Variants in PTPRD observed in about 807,000 individuals in gnomAD.
The protein encoded by PTPRD is receptor-type tyrosine-protein phosphatase delta.
PTPRD carries 34 observed loss-of-function variants against 214.5 expected under a neutral mutation model. The observed-to-expected ratio is 0.16, with a 90% CI of 0.12 to 0.21. The LOEUF is 0.21. Ranked by LOEUF, PTPRD falls within the 10% of genes least tolerant of loss-of-function variation. PTPRD has a pLI of 1.00. For missense variants in PTPRD, 2,545 were observed against 2,398.7 expected (o/e 1.06, Z -1.27); for synonymous variants, 1,128 against 845.7 (o/e 1.33, Z -5.79).
At chr9:8,706,781 A>G (rs554717226) in intron 12 of PTPRD, among the ~76,000 whole-genome samples, 60 of 152,214 alleles carry the variant, frequency 3.9e-4, no homozygotes, top group Non-Finnish European at 6.6e-4. Flanking sequence ...TTGCATCTGC[A>G]TAGCTTGGCG....
intron 5 of PTPRD, among the ~76,000 whole-genome samples, chr9:9,919,759 G>C (rs150145757): frequency 1.3e-5 from 2 of 152,236 alleles, no homozygotes; most frequent in Admixed American, 6.6e-5. Flanking sequence ...GTATGACCTG[G>C]TGCTAACTAT....
intron 9 of PTPRD, among the ~76,000 whole-genome samples, chr9:9,318,170 C>T (rs1172869091): frequency 4.2e-5 from 5 of 120,214 alleles, no homozygotes; most frequent in South Asian, 2.7e-4. Context: ...AAAACTCCAT[C>T]AAAAAAAGAA....
At chr9:8,789,322 G>T (rs547719604) in intron 11 of PTPRD, among the ~76,000 whole-genome samples, 1 of 152,192 alleles carries the variant, frequency 6.6e-6, no homozygotes, top group African/African-American at 2.4e-5. Flanking sequence ...CCCAAAATGT[G>T]TCAATGAAAA....
intron 3 of PTPRD, among the ~76,000 whole-genome samples, chr9:10,285,216 C>G (rs566776398): frequency 6.6e-6 from 1 of 152,156 alleles, no homozygotes; most frequent in African/African-American, 2.4e-5. Flanking sequence ...CACTTGCATA[C>G]GATACTGTAA....
At chr9:8,511,237 T>G (rs1158781046) in intron 21 of PTPRD, among the ~76,000 whole-genome samples, 2 of 152,016 alleles carry the variant, frequency 1.3e-5, no homozygotes, top group Non-Finnish European at 2.9e-5. Context: ...CCCGGCTAAT[T>G]TTTTAATGTT....
intron 33 of PTPRD, among the ~76,000 whole-genome samples, chr9:8,459,010 C>T (rs974997989): frequency 1.3e-5 from 2 of 151,960 alleles, no homozygotes; most frequent in Non-Finnish European, 2.9e-5. Flanking sequence ...TCTCTTAATG[C>T]TGGAATAAAA....
intron 4 of PTPRD, among the ~76,000 whole-genome samples, chr9:9,964,981 A>G (rs2094586607): frequency 6.6e-6 from 1 of 152,150 alleles, no homozygotes; most frequent in African/African-American, 2.4e-5. Flanking sequence ...CAAAAATAGG[A>G]TGCTAACAAA....
intron 11 of PTPRD, among the ~76,000 whole-genome samples, chr9:8,984,160 C>T (rs991239055): frequency 1.3e-5 from 2 of 151,904 alleles, no homozygotes; most frequent in African/African-American, 4.8e-5. Flanking sequence ...AATACAAAGA[C>T]ATGTAATTTT....
At chr9:8,636,870 T>C in intron 12 of PTPRD, 26 bp from the exon 13 acceptor site, 1 of 1,606,574 alleles carries the variant, frequency 6.2e-7, no homozygotes. Flanking sequence ...AACATCACAG[T>C]TAAATTGAAA....
chr9:10,462,119 T>C (rs1222923246), intron 2 of PTPRD, among the ~76,000 whole-genome samples: 2 of 152,146 alleles, frequency 1.3e-5, no homozygotes, highest in South Asian at 2.1e-4. Context: ...TAGCGTATTA[T>C]ATACAGGAGT....
At chr9:8,777,182 G>A (rs1310991808) in intron 11 of PTPRD, among the ~76,000 whole-genome samples, 6 of 151,754 alleles carry the variant, frequency 4.0e-5, no homozygotes, top group Non-Finnish European at 8.8e-5. Context: ...GTCTTACTAT[G>A]TTGCCCAGGC....
At chr9:9,799,674 A>G (rs556615965) in intron 5 of PTPRD, 1 of 152,138 alleles carries the variant, frequency 6.6e-6, no homozygotes, top group African/African-American at 2.4e-5. Flanking sequence ...CAAACAATAA[A>G]AAGGGGGGTA....
chr9:8,944,578 A>T (rs192479358), intron 11 of PTPRD, among the ~76,000 whole-genome samples: 7 of 152,260 alleles, frequency 4.6e-5, no homozygotes, highest in Admixed American at 4.6e-4. Flanking sequence ...GCCATAAATG[A>T]GAATGAGATC....
intron 9 of PTPRD, among the ~76,000 whole-genome samples, chr9:9,346,510 C>G (rs2048862319): frequency 6.6e-6 from 1 of 152,010 alleles, no homozygotes; most frequent in Admixed American, 6.6e-5. Flanking sequence ...ATGCTTATTT[C>G]CAAAAATTTG....
intron 12 of PTPRD, 22 bp downstream of exon 12, chr9:8,733,758 A>T: frequency 6.5e-7 from 1 of 1,548,988 alleles, no homozygotes; most frequent in Non-Finnish European, 8.7e-7. Flanking sequence ...ACAGCCCCCT[A>T]GAGAAGGGGA....
intron 3 of PTPRD, among the ~76,000 whole-genome samples, chr9:10,040,195 C>G (rs2097269793): frequency 6.6e-6 from 1 of 151,928 alleles, no homozygotes; most frequent in Non-Finnish European, 1.5e-5. Context: ...TAAACGGATT[C>G]ATAAAAATGA....
At chr9:9,015,880 T>G (rs1377994723) in intron 11 of PTPRD, among the ~76,000 whole-genome samples, 1 of 152,028 alleles carries the variant, frequency 6.6e-6, no homozygotes, top group Non-Finnish European at 1.5e-5. Context: ...AAACAGAAAA[T>G]CAGGGGCACA....
chr9:8,775,251 G>C (rs940707816), intron 11 of PTPRD, among the ~76,000 whole-genome samples: 1 of 152,072 alleles, frequency 6.6e-6, no homozygotes, highest in Non-Finnish European at 1.5e-5. Context: ...TTCTGATATG[G>C]TCTGTTTAAG....
intron 10 of PTPRD, among the ~76,000 whole-genome samples, chr9:9,080,225 A>G (rs559318612): frequency 1.3e-5 from 2 of 152,194 alleles, no homozygotes; most frequent in African/African-American, 2.4e-5. Flanking sequence ...CCAAGTTTAC[A>G]CATGGTGTAA....
Sources: gnomAD v4.1 joint callset for allele counts (sites outside exome capture counted in the v4.1 genomes callset) on GRCh38, gnomAD v4.1.1 for gene constraint, MANE v1.5 for transcripts, NCBI Gene and HGNC (gene_info 2026-07-23, HGNC 2026-07-21) for gene names.